The following DPP10 variants were observed in gnomAD, a reference collection of about 807,000 sequenced individuals.
DPP10 encodes dipeptidyl peptidase like 10, also known as inactive dipeptidyl peptidase 10.
In DPP10, 33 loss-of-function variants were observed where a neutral mutation model predicts 120.9. The observed-to-expected ratio is 0.27, with a 90% confidence interval of 0.21 to 0.37. DPP10 has a LOEUF of 0.37. Among genes scored for constraint, DPP10 ranks in the 10% least tolerant of loss-of-function variants. The pLI is 1.00. For synonymous variants in DPP10, 337 were observed against 326.1 expected (o/e 1.03, Z -0.36); for missense variants, 816 against 942.8 (o/e 0.87, Z 1.76).
chr2:114,497,333 ATG>A lies in DPP10; in HGVS notation c.60+54497_60+54498del, dbSNP rs1491520887. On this transcript the variant is annotated intron_variant, in intron 1 of 25. Transcript: ENST00000410059. The stretch of plus-strand genomic sequence containing the variant: ...TACATGTACATGTATACGTGTATAC[ATG>A]TACATATACATACACATGTACATAT... 1.4e-3 allele frequency among the ~76,000 whole-genome samples: 37 copies of A among 26,134 alleles called. 1 individual carries two copies. Among genetic ancestry groups the A allele is most frequent in the African/African-American group, 3.7e-3 (36 of 9,728 alleles). 17.1% of individuals were successfully genotyped at this position (26,134 alleles called of 152,430 possible).
intron 1 of DPP10, among the ~76,000 whole-genome samples, chr2:114,984,944 T>C (rs1341195661): frequency 1.3e-5 from 2 of 152,184 alleles, no homozygotes; most frequent in Non-Finnish European, 2.9e-5. Context: ...GTTGTATCCA[T>C]GACACACAGC....
At chr2:115,695,263 C>T (rs1263898745) in intron 7 of DPP10, among the ~76,000 whole-genome samples, 1 of 152,102 alleles carries the variant, frequency 6.6e-6, no homozygotes, top group African/African-American at 2.4e-5. Context: ...AGACAGCCTC[C>T]AACAATTACA....
At chr2:114,846,825 T>C (rs1688582853) in intron 1 of DPP10, among the ~76,000 whole-genome samples, 1 of 152,142 alleles carries the variant, frequency 6.6e-6, no homozygotes, top group Admixed American at 6.6e-5. Context: ...GTCTCCAAAT[T>C]GTGCTTCATT....
intron 1 of DPP10, among the ~76,000 whole-genome samples, chr2:114,577,520 G>A (rs779398622): frequency 3.3e-5 from 5 of 152,174 alleles, no homozygotes; most frequent in East Asian, 1.9e-4. Context: ...TGACGAGGCC[G>A]GAGGGGCTCT....
chr2:115,201,935 A>C (rs1248177841), intron 1 of DPP10, among the ~76,000 whole-genome samples: 2 of 152,186 alleles, frequency 1.3e-5, no homozygotes, highest in East Asian at 3.8e-4. Flanking sequence ...CTCACACATT[A>C]GGGTCTTTCT....
chr2:115,143,336 A>G (rs560718569), intron 1 of DPP10, among the ~76,000 whole-genome samples: 24 of 152,356 alleles, frequency 1.6e-4, no homozygotes, highest in African/African-American at 5.5e-4. Flanking sequence ...TGGAAGTTAA[A>G]GTACTAGTTA....
chr2:115,162,201 G>T (rs1353126016), intron 1 of DPP10: 2 of 1,553,944 alleles, frequency 1.3e-6, no homozygotes, highest in East Asian at 2.4e-5. Flanking sequence ...GGAAGTTAGA[G>T]CCTCTGCGTG....
chr2:115,737,436 C>A (rs1371066030), intron 8 of DPP10, among the ~76,000 whole-genome samples: 1 of 152,044 alleles, frequency 6.6e-6, no homozygotes, highest in Non-Finnish European at 1.5e-5. Context: ...GAAAGAGCTG[C>A]CCTTGAAATA....
chr2:114,782,154 G>A (rs1326497806), intron 1 of DPP10, among the ~76,000 whole-genome samples: 4 of 151,822 alleles, frequency 2.6e-5, no homozygotes, highest in Non-Finnish European at 4.4e-5. Flanking sequence ...GTGCATGTAC[G>A]TTGCATATTT....
At chr2:115,572,622 A>G (rs988361251) in intron 5 of DPP10, among the ~76,000 whole-genome samples, 2 of 152,212 alleles carry the variant, frequency 1.3e-5, no homozygotes, top group Non-Finnish European at 2.9e-5. Context: ...ATAGGACAGA[A>G]TAAAGGTCAT....
chr2:115,145,782 T>G (rs1479595478), intron 1 of DPP10, among the ~76,000 whole-genome samples: 1 of 152,114 alleles, frequency 6.6e-6, no homozygotes, highest in African/African-American at 2.4e-5. Flanking sequence ...GAATGAGAGT[T>G]TCAGTTGCTC....
intron 5 of DPP10, among the ~76,000 whole-genome samples, chr2:115,685,505 T>C (rs1214114807): frequency 6.6e-6 from 1 of 151,992 alleles, no homozygotes; most frequent in African/African-American, 2.4e-5. Flanking sequence ...AGATTACATT[T>C]ATTTTGGTCT....
chr2:114,887,367 A>T (rs912468196), intron 1 of DPP10, among the ~76,000 whole-genome samples: 3 of 152,182 alleles, frequency 2.0e-5, no homozygotes, highest in Non-Finnish European at 4.4e-5. Context: ...TTGCCTAAGG[A>T]TTATGTCCTC....
intron 1 of DPP10, among the ~76,000 whole-genome samples, chr2:114,852,438 C>T (rs538909834): frequency 6.6e-6 from 1 of 151,832 alleles, no homozygotes; most frequent in Non-Finnish European, 1.5e-5. Context: ...CATATAGAGA[C>T]TTTTTTCTTG....
chr2:114,791,116 A>T (rs937935737), intron 1 of DPP10, among the ~76,000 whole-genome samples: 3 of 152,210 alleles, frequency 2.0e-5, no homozygotes, highest in Admixed American at 2.0e-4. Flanking sequence ...TAAAGAAATA[A>T]ATTCAAATGT....
chr2:115,571,621 C>T (rs2081341965), intron 5 of DPP10, among the ~76,000 whole-genome samples: 2 of 151,432 alleles, frequency 1.3e-5, no homozygotes, highest in South Asian at 2.1e-4. Flanking sequence ...TTTGTTCTCT[C>T]TTAATGACAA....
intron 5 of DPP10, among the ~76,000 whole-genome samples, chr2:115,624,007 T>G (rs1241626036): frequency 6.6e-6 from 1 of 152,180 alleles, no homozygotes; most frequent in Non-Finnish European, 1.5e-5. Context: ...ATCTTGAAAT[T>G]TTTCTTGTGT....
At chr2:114,895,993 C>G (rs1692932136) in intron 1 of DPP10, among the ~76,000 whole-genome samples, 1 of 152,128 alleles carries the variant, frequency 6.6e-6, no homozygotes, top group Non-Finnish European at 1.5e-5. Flanking sequence ...AATAGGGAAT[C>G]CTTTCCCCAT....
intron 1 of DPP10, among the ~76,000 whole-genome samples, chr2:115,104,476 T>G (rs1360432658): frequency 6.6e-6 from 1 of 152,180 alleles, no homozygotes; most frequent in African/African-American, 2.4e-5. Context: ...ATTCATAATT[T>G]CATTTATATA....
Sources: allele counts gnomAD v4.1 joint callset (sites outside exome capture counted in the v4.1 genomes callset), GRCh38; gene constraint gnomAD v4.1.1; transcripts MANE v1.5; gene names NCBI Gene and HGNC (gene_info 2026-07-23, HGNC 2026-07-21).